Variants in LTBP2 observed in about 807,000 individuals in gnomAD.
LTBP2 encodes latent-transforming growth factor beta-binding protein 2.
A neutral mutation model predicts 210.6 loss-of-function variants in LTBP2; 103 were observed. The observed-to-expected ratio is 0.49, with a 90% CI of 0.42 to 0.58. The LOEUF (loss-of-function observed/expected upper bound fraction) is 0.58. LTBP2 is among the 20% of genes least tolerant of loss of function. LTBP2 has a pLI of 0.00. For synonymous variants in LTBP2, 1,007 were observed against 1,015.0 expected (o/e 0.99, Z 0.15); for missense variants, 2,313 against 2,494.5 (o/e 0.93, Z 1.55).
intron 8 of LTBP2, among the ~76,000 whole-genome samples, chr14:74,547,162 G>A (rs2087588110): frequency 6.6e-6 from 1 of 152,378 alleles, no homozygotes; most frequent in East Asian, 1.9e-4. Context: ...TATAAGTGAA[G>A]AATCCAGAGT....
At chr14:74,548,500 T>C (rs929211564) in intron 8 of LTBP2, among the ~76,000 whole-genome samples, 1 of 152,046 alleles carries the variant, frequency 6.6e-6, no homozygotes, top group African/African-American at 2.4e-5. Context: ...AATGTAAATA[T>C]TTGTCGACTG....
chr14:74,525,981 G>A (rs991520369), intron 14 of LTBP2, 94 bp downstream of exon 14: 68 of 1,298,834 alleles, frequency 5.2e-5, no homozygotes, highest in Admixed American at 1.6e-4. Context: ...GTGTGTGAGC[G>A]TGAACCAGCT....
chr14:74,592,659 A>G (rs544656049), intron 2 of LTBP2, among the ~76,000 whole-genome samples: 4 of 152,100 alleles, frequency 2.6e-5, no homozygotes, highest in Non-Finnish European at 5.9e-5. Flanking sequence ...TGATGGTGTC[A>G]GTGCACTCCA....
At position 74,505,107 on chromosome 14, in the gene LTBP2, G is replaced by C; in HGVS notation, c.4245C>G (p.Ser1415=). 1 of 1,613,952 alleles carries C rather than the reference G, an allele frequency of 6.2e-7. No individual in the cohort carries two copies. The highest frequency in any genetic ancestry group is 8.5e-7 in the Non-Finnish European group (1 of 1,180,030). The stretch of plus-strand genomic sequence containing the variant: ...AGCAGGGCGCATGGCCCTTCTGCCC[G>C]GAGTAGCAGTCCATGCGGGTGGGGG... The part of the protein sequence containing the change: ...APAPTRMDCY[S]GQKGHAPCSS... The change falls in exon 29 of 36, where the codon TCC becomes TCG. Residue 1415 remains serine (S), a synonymous_variant. Coordinates refer to ENST00000261978, the MANE Select transcript of LTBP2 (RefSeq NM_000428.3).
At chr14:74,579,026 T>C (rs1001155414) in intron 3 of LTBP2, among the ~76,000 whole-genome samples, 3 of 152,086 alleles carry the variant, frequency 2.0e-5, no homozygotes, top group African/African-American at 7.2e-5. Flanking sequence ...TGGCTAATTG[T>C]TTGTATTTTT....
intron 2 of LTBP2, among the ~76,000 whole-genome samples, chr14:74,593,513 G>T (rs1595297866): frequency 6.6e-6 from 1 of 152,316 alleles, no homozygotes; most frequent in South Asian, 2.1e-4. Context: ...AGTGTCAGCT[G>T]AGCACCTGGA....
At chr14:74,510,325 GC>G in intron 19 of LTBP2, 112 bp from the exon 20 acceptor site, 1 of 1,507,082 alleles carries the variant, frequency 6.6e-7, no homozygotes, top group Non-Finnish European at 9.0e-7. Context: ...CTTCAGAGGG[GC>G]CGCAGGCCAC....
At chr14:74,560,151 G>T in intron 3 of LTBP2, 1 of 152,106 alleles carries the variant, frequency 6.6e-6, no homozygotes, top group Middle Eastern at 3.2e-3. Flanking sequence ...TTTTATTTAG[G>T]TTGCTAAGAC....
At position 74,500,556 on chromosome 14, in the gene LTBP2, C is replaced by A. The variant is rs2086897538; in HGVS notation, c.*328G>T. 2.1e-6 allele frequency: 1 copy of A among 479,694 alleles called. No individual in the cohort carries two copies. The highest frequency in any genetic ancestry group is 3.9e-6 in the Non-Finnish European group (1 of 258,672). The allele number at this position is 479,694 out of a possible 1,614,324, so 29.7% of individuals were successfully genotyped here. ...GTGTCTGCAGTGTGAGGCCATGGGG[C>A]CTTGCATGCTCGCACAGCTTGGGAG... On this transcript the variant is annotated 3_prime_UTR_variant, in exon 36 of 36. Coordinates refer to ENST00000261978, the MANE Select transcript of LTBP2 (RefSeq NM_000428.3).
chr14:74,518,324 C>A (rs1273065387), intron 17 of LTBP2, among the ~76,000 whole-genome samples: 1 of 152,184 alleles, frequency 6.6e-6, no homozygotes, highest in Non-Finnish European at 1.5e-5. Context: ...CATAAAATCC[C>A]AGCTCCTCAA....
intron 3 of LTBP2, among the ~76,000 whole-genome samples, chr14:74,580,102 C>T (rs1040767859): frequency 1.3e-5 from 2 of 152,002 alleles, no homozygotes; most frequent in Non-Finnish European, 2.9e-5. Flanking sequence ...ATACCTAAGA[C>T]GTTAGTGTTG....
intron 2 of LTBP2, among the ~76,000 whole-genome samples, chr14:74,601,473 CT>C (rs1252007398): frequency 6.6e-6 from 1 of 152,224 alleles, no homozygotes; most frequent in African/African-American, 2.4e-5. Context: ...GGCCTGACCT[CT>C]GAGCCGCCCC....
intron 2 of LTBP2, among the ~76,000 whole-genome samples, chr14:74,593,192 AC>A (rs1242992474): frequency 6.6e-6 from 1 of 151,930 alleles, no homozygotes; most frequent in Non-Finnish European, 1.5e-5. Flanking sequence ...TCCACACAAA[AC>A]CCCTACTTTT....
chr14:74,525,083 G>T, intron 15 of LTBP2, 41 bp downstream of exon 15: 1 of 1,152,416 alleles, frequency 8.7e-7, no homozygotes, highest in South Asian at 3.4e-5. Flanking sequence ...ACAGCTCACA[G>T]GGCAGGGTGC....
chr14:74,525,154 T>C lies in LTBP2; in HGVS notation c.2500A>G (p.Thr834Ala), dbSNP rs773970704. ...GTGCTCAGGGTCACCAGCACATCAG[T>C]GGAGGGGGTCACTTGTTCTTCCTGT... ...EIQEEQVTPS[T>A]DVLVTLSTPG... Residue 834 changes from threonine to alanine, a missense_variant, in exon 15 of 36, where the codon ACT becomes GCT. Physicochemically the swap from Thr to Ala is moderately conservative, Grantham distance 58. Transcript: ENST00000261978. 1 of 1,332,592 alleles carries C rather than the reference T, an allele frequency of 7.5e-7. No individual in the cohort carries two copies. Among genetic ancestry groups the C allele is most frequent in the East Asian group, 2.8e-5 (1 of 35,938 alleles). The allele number at this position is 1,332,592 out of a possible 1,614,324, so 82.5% of individuals were successfully genotyped here.
chr14:74,556,657 C>T (rs1052738667), intron 3 of LTBP2, among the ~76,000 whole-genome samples: 3 of 152,212 alleles, frequency 2.0e-5, no homozygotes, highest in African/African-American at 7.2e-5. Flanking sequence ...GCTAGGATTA[C>T]AGGAGCCCGC....
chr14:74,546,426 C>T (rs2087576611), intron 8 of LTBP2, among the ~76,000 whole-genome samples: 1 of 152,242 alleles, frequency 6.6e-6, no homozygotes, highest in African/African-American at 2.4e-5. Flanking sequence ...GGCACTCTGT[C>T]AACACAAACA....
intron 2 of LTBP2, among the ~76,000 whole-genome samples, chr14:74,587,432 C>A (rs1368300192): frequency 1.3e-5 from 2 of 151,734 alleles, no homozygotes; most frequent in Non-Finnish European, 2.9e-5. Context: ...CAGGCCGAAC[C>A]AGGAGACTCA....
intron 3 of LTBP2, among the ~76,000 whole-genome samples, chr14:74,579,469 T>A (rs1347919505): frequency 1.3e-5 from 2 of 152,150 alleles, no homozygotes; most frequent in African/African-American, 4.8e-5. Flanking sequence ...GTCATGCCAA[T>A]CACTCTCAGC....
Sources: allele counts gnomAD v4.1 joint callset (sites outside exome capture counted in the v4.1 genomes callset), GRCh38; gene constraint gnomAD v4.1.1; transcripts MANE v1.5; gene names NCBI Gene and HGNC (gene_info 2026-07-23, HGNC 2026-07-21).